ADGRF1: variants seen among roughly 807,000 people sequenced by gnomAD.
The protein encoded by ADGRF1 is G protein-coupled receptor 110.
ADGRF1 carries 85 observed loss-of-function variants against 87.2 expected under a neutral mutation model. The ratio of observed to expected loss-of-function variants is 0.97; its 90% CI spans 0.82 to 1.17. The LOEUF (loss-of-function observed/expected upper bound fraction) is 1.17, where lower values mean the gene tolerates loss of function less well. Ranked by LOEUF, ADGRF1 falls within the 50% of genes most tolerant of loss-of-function variation. The pLI is 0.00. For missense variants in ADGRF1, 1,169 were observed against 1,077.2 expected (o/e 1.09, Z -1.19); for synonymous variants, 430 against 408.8 (o/e 1.05, Z -0.63).
chr6:47,012,771 T>G, intron 9 of ADGRF1: 1 of 984,966 alleles, frequency 1.0e-6, no homozygotes, highest in Non-Finnish European at 1.2e-6. Flanking sequence ...ACAAGATTTG[T>G]TTTTTTTATT....
rs531165768 is a variant in ADGRF1 at position 47,020,307 on chromosome 6, A to G, written c.611+424T>C. On this transcript the variant is annotated intron_variant, in intron 7 of 14. Coordinates refer to ENST00000371253, the MANE Select transcript of ADGRF1 (RefSeq NM_153840.4). Reference sequence around the variant, plus strand: ...CAGGAGTTTGAGACCAGTGTGGCCAACATGGTGAAACCCTGTCTCTACTAA... The same window carrying G: ...CAGGAGTTTGAGACCAGTGTGGCCAGCATGGTGAAACCCTGTCTCTACTAA... 391 of 963,696 alleles carry G rather than the reference A, an allele frequency of 4.1e-4. 6 individuals are homozygous for G. The South Asian group carries it at 8.5e-3, about 21-fold the overall frequency. 59.7% of individuals were successfully genotyped at this position (963,696 alleles called of 1,614,324 possible).
chr6:47,003,359 T>C (rs1348839880), intron 13 of ADGRF1, among the ~76,000 whole-genome samples: 1 of 152,218 alleles, frequency 6.6e-6, no homozygotes, highest in African/African-American at 2.4e-5. Flanking sequence ...TATTTTGAAA[T>C]GGCCCTGCAA....
intron 1 of ADGRF1, among the ~76,000 whole-genome samples, chr6:47,034,460 C>T (rs1780530204): frequency 6.6e-6 from 1 of 152,164 alleles, no homozygotes; most frequent in Admixed American, 6.5e-5. Context: ...TTTAAGAATT[C>T]TGGACTTGTA....
rs1487185157 is a variant in ADGRF1 at position 46,999,171 on chromosome 6, T to C, written c.*1051A>G. On this transcript the variant is annotated 3_prime_UTR_variant, in exon 15 of 15. Coordinates refer to ENST00000371253, the MANE Select transcript of ADGRF1 (RefSeq NM_153840.4). Reference sequence around the variant, plus strand: ...TTCACATAGCGTCAACTCCTGCTGCTTTGTATGTCATCCAAAAGTGGCACT... The same window carrying C: ...TTCACATAGCGTCAACTCCTGCTGCCTTGTATGTCATCCAAAAGTGGCACT... The C allele has an allele frequency of 1.3e-5, 2 of 152,206 alleles. No individual in the cohort carries two copies. The highest frequency in any genetic ancestry group is 6.5e-5 in the Admixed American group (1 of 15,274). The allele number at this position is 152,206 out of a possible 1,614,324, so 9.4% of individuals were successfully genotyped here.
Position 47,012,713 on chromosome 6 carries a change from C to T in ADGRF1, c.928-518G>A, listed in dbSNP as rs1204881270. The T allele has an allele frequency of 1.0e-5, 10 of 985,436 alleles. No individual in the cohort carries two copies. The Admixed American group carries it at 6.1e-4, about 61-fold the overall frequency. 61.0% of individuals were successfully genotyped at this position (985,436 alleles called of 1,614,324 possible). On this transcript the variant is annotated intron_variant, in intron 9 of 14. Transcript: ENST00000371253. ...GTTGTAAGATGGGAAGAGAGAGAAA[C>T]ATACATGGAGATTTGACTACTGGGC... is the stretch of plus-strand genomic sequence containing the variant.
In ADGRF1 at chr6:47,000,307, A is replaced by T; in HGVS notation, c.2660-12T>A. ...AAATGCATAATGGCCTGAAGGGGAA[A>T]AAAAAAGGAAATAATTATTGTTACT... On this transcript the variant is annotated splice_polypyrimidine_tract_variant and intron_variant, in intron 14 of 14. Transcript: ENST00000371253. The T allele has an allele frequency of 6.4e-7, 1 of 1,568,324 alleles. No individual in the cohort carries two copies. Among genetic ancestry groups the T allele is most frequent in the East Asian group, 2.3e-5 (1 of 44,210 alleles).
chr6:47,007,875 G>A (rs527779679), intron 11 of ADGRF1, among the ~76,000 whole-genome samples: 2 of 152,318 alleles, frequency 1.3e-5, no homozygotes, highest in South Asian at 4.1e-4. Context: ...GGTGCCCTAA[G>A]CTTGTCACTG....
intron 7 of ADGRF1, 78 bp downstream of exon 7, chr6:47,020,653 C>T: frequency 6.3e-7 from 1 of 1,591,874 alleles, no homozygotes; most frequent in Non-Finnish European, 8.6e-7. Context: ...TCAGGGTCAC[C>T]TAAAAACAGC....
At chr6:47,018,450 C>T (rs1239713625) in intron 7 of ADGRF1, 2 of 1,289,606 alleles carry the variant, frequency 1.6e-6, no homozygotes, top group Non-Finnish European at 2.0e-6. Flanking sequence ...TAAGTGCAGA[C>T]ACCCTTTTGC....
chr6:47,036,878 G>T (rs555754411), intron 1 of ADGRF1, among the ~76,000 whole-genome samples: 1 of 152,100 alleles, frequency 6.6e-6, no homozygotes, highest in African/African-American at 2.4e-5. Flanking sequence ...ACACCATACA[G>T]AATGAAAAGC....
intron 8 of ADGRF1, among the ~76,000 whole-genome samples, chr6:47,016,229 C>T (rs977505362): frequency 6.6e-6 from 1 of 151,104 alleles, no homozygotes. Flanking sequence ...TGTGTGTGTG[C>T]GTGTCTGTCT....
chr6:47,033,041 G>A (rs944736964), intron 1 of ADGRF1, among the ~76,000 whole-genome samples: 1 of 152,154 alleles, frequency 6.6e-6, no homozygotes, highest in Admixed American at 6.5e-5. Flanking sequence ...TTCCAAGCCG[G>A]AATGGTCCTG....
intron 1 of ADGRF1, among the ~76,000 whole-genome samples, chr6:47,032,951 C>T (rs1322689562): frequency 1.3e-5 from 2 of 152,214 alleles, no homozygotes; most frequent in Non-Finnish European, 2.9e-5. Flanking sequence ...GATTGCTTTG[C>T]GTGTGTGCAG....
chr6:47,023,621 T>A (rs1025703626), intron 5 of ADGRF1, among the ~76,000 whole-genome samples: 6 of 152,230 alleles, frequency 3.9e-5, no homozygotes, highest in African/African-American at 1.4e-4. Context: ...AGATTTCTTT[T>A]AATGGAATCA....
At chr6:47,013,113 C>G (rs1001473734) in intron 9 of ADGRF1, 143 of 985,364 alleles carry the variant, frequency 1.5e-4, no homozygotes, top group Non-Finnish European at 1.7e-4. Flanking sequence ...CTCCCATCTA[C>G]TTTTACTACA....
At chr6:47,023,686 T>C (rs182587431) in intron 5 of ADGRF1, among the ~76,000 whole-genome samples, 22 of 152,340 alleles carry the variant, frequency 1.4e-4, no homozygotes, top group African/African-American at 5.1e-4. Flanking sequence ...TTTCTTGAAA[T>C]TGATGTTGGC....
chr6:47,007,055 G>C (rs1779553818), intron 12 of ADGRF1, among the ~76,000 whole-genome samples, 198 bp downstream of exon 12: 1 of 152,092 alleles, frequency 6.6e-6, no homozygotes, highest in Non-Finnish European at 1.5e-5. Flanking sequence ...TGTTTGATTA[G>C]TTCTGCAAGC....
intron 1 of ADGRF1, among the ~76,000 whole-genome samples, chr6:47,041,570 C>T (rs1001889845): frequency 6.6e-6 from 1 of 152,124 alleles, no homozygotes; most frequent in African/African-American, 2.4e-5. Flanking sequence ...TATATATTTT[C>T]AAGGCCTCTA....
In ADGRF1 at chr6:47,009,088, T is replaced by C. The variant is rs1779615809; in HGVS notation, c.2347A>G (p.Lys783Glu). Residue 783 changes from lysine (K) to glutamate (E), a missense_variant, in exon 11 of 15, where the codon AAG becomes GAG. Physicochemically the swap from Lys to Glu is moderately conservative, Grantham distance 56. Coordinates refer to ENST00000371253, the MANE Select transcript of ADGRF1 (RefSeq NM_153840.4). ...TVGERLSRDD[K>E]ATIIRVGKSL... ...TTCCCCACGCGGATGATGGTGGCCT[T>C]GTCATCCCGACTCAGTCTTTCCCCA... is the stretch of plus-strand genomic sequence containing the variant. The C allele has an allele frequency of 6.2e-7, 1 of 1,614,104 alleles. No individual in the cohort carries two copies. The highest frequency in any genetic ancestry group is 8.5e-7 in the Non-Finnish European group (1 of 1,180,028).
Sources: gnomAD v4.1 joint callset for allele counts (sites outside exome capture counted in the v4.1 genomes callset) on GRCh38, gnomAD v4.1.1 for gene constraint, MANE v1.5 for transcripts, NCBI Gene and HGNC (gene_info 2026-07-23, HGNC 2026-07-21) for gene names.